The following CNTN4 variants were observed in gnomAD, a reference collection of about 807,000 sequenced individuals.
CNTN4 encodes the protein contactin-4.
A neutral mutation model predicts 122.5 loss-of-function variants in CNTN4; 77 were observed. The ratio of observed to expected loss-of-function variants is 0.63; its 90% CI spans 0.52 to 0.76. The LOEUF is 0.76. CNTN4 is among the 30% of genes least tolerant of loss of function. The probability of loss-of-function intolerance (pLI) is 0.00; values close to 1 mark genes in which losing one functional copy is unlikely to be tolerated. For missense variants in CNTN4, 1,256 were observed against 1,259.1 expected, an observed-to-expected ratio of 1.00 and a Z score of 0.04; for synonymous variants, 512 against 447.0, an observed-to-expected ratio of 1.15 and a Z score of -1.83.
intron 14 of CNTN4, among the ~76,000 whole-genome samples, chr3:3,010,178 G>A (rs146554265): frequency 3.3e-5 from 5 of 152,092 alleles, no homozygotes; most frequent in African/African-American, 7.2e-5. Context: ...AATACTTCTG[G>A]GATGGGGAGG....
chr3:2,243,340 G>A (rs1434312685), intron 2 of CNTN4, among the ~76,000 whole-genome samples: 1 of 152,104 alleles, frequency 6.6e-6, no homozygotes, highest in Non-Finnish European at 1.5e-5. Context: ...TAAGACAAGA[G>A]GTTCTGTTAG....
chr3:2,975,215 A>G (rs189147747), intron 13 of CNTN4, among the ~76,000 whole-genome samples: 8 of 152,318 alleles, frequency 5.3e-5, no homozygotes, highest in Admixed American at 4.6e-4. Context: ...GAACTATTTA[A>G]TTATAACCAA....
At chr3:2,306,679 A>G (rs140029642) in intron 2 of CNTN4, among the ~76,000 whole-genome samples, 5 of 152,286 alleles carry the variant, frequency 3.3e-5, no homozygotes, top group African/African-American at 1.2e-4. Flanking sequence ...TTTTACAAGG[A>G]TTACATAGAA....
At chr3:2,123,015 A>T (rs950850829) in intron 2 of CNTN4, among the ~76,000 whole-genome samples, 6 of 152,242 alleles carry the variant, frequency 3.9e-5, no homozygotes, top group East Asian at 3.9e-4. Flanking sequence ...AGCCATTCTG[A>T]TCTTTGAATT....
At chr3:2,604,015 C>T (rs1303557670) in intron 4 of CNTN4, among the ~76,000 whole-genome samples, 1 of 152,102 alleles carries the variant, frequency 6.6e-6, no homozygotes, top group Non-Finnish European at 1.5e-5. Context: ...CTTCAAACAC[C>T]GTGGAGAGTG....
chr3:2,317,807 G>A (rs779952524), intron 2 of CNTN4, among the ~76,000 whole-genome samples: 43 of 152,154 alleles, frequency 2.8e-4, no homozygotes, highest in Admixed American at 2.0e-3. Context: ...CGACTGATGT[G>A]CTAGAACTCA....
intron 3 of CNTN4, among the ~76,000 whole-genome samples, chr3:2,405,595 GTAGATAGATAGATAGATAGA>G (rs61138023): frequency 1.1e-3 from 158 of 150,110 alleles, no homozygotes; most frequent in African/African-American, 3.5e-3. Context: ...TTATAGATAG[GTAGATAGATAGATAGATAGA>G]TAGATAGATA....
chr3:2,233,340 A>T (rs1178485), intron 2 of CNTN4, among the ~76,000 whole-genome samples: 3,979 of 152,230 alleles, frequency 0.026, 73 homozygotes, highest in Non-Finnish European at 0.038. Flanking sequence ...AACACACTTC[A>T]TAACTCCACC....
chr3:2,105,351 G>A (rs1331923247), intron 2 of CNTN4, among the ~76,000 whole-genome samples: 1 of 152,158 alleles, frequency 6.6e-6, no homozygotes, highest in African/African-American at 2.4e-5. Context: ...CCTAAAGTGA[G>A]TTAACCTGGT....
intron 2 of CNTN4, among the ~76,000 whole-genome samples, chr3:2,320,977 A>T (rs540692945): frequency 6.6e-6 from 1 of 152,276 alleles, no homozygotes; most frequent in Non-Finnish European, 1.5e-5. Context: ...ATTTCAGTGG[A>T]AACAGCCACC....
chr3:2,809,053 C>T (rs955797124), intron 6 of CNTN4, among the ~76,000 whole-genome samples: 1 of 152,162 alleles, frequency 6.6e-6, no homozygotes, highest in Admixed American at 6.5e-5. Flanking sequence ...GCTATAGCCT[C>T]ATAAAAACTG....
Position 2,469,298 on chromosome 3 carries a change from A to G in CNTN4, c.-88-102118A>G, listed in dbSNP as rs570950030. 4.6e-5 allele frequency among the ~76,000 whole-genome samples: 7 copies of G among 152,344 alleles called. No individual in the cohort carries two copies. The East Asian group carries it at 1.4e-3, about 29-fold the overall frequency. ...TTCTAATATTCTACTTTTAAAGTTG[A>G]AGCTATTCAGACTAAGAAAACAGTG... On this transcript the variant is annotated intron_variant, in intron 3 of 24. Transcript: ENST00000418658.
intron 2 of CNTN4, among the ~76,000 whole-genome samples, chr3:2,171,019 T>C (rs971739000): frequency 6.6e-6 from 1 of 152,210 alleles, no homozygotes; most frequent in African/African-American, 2.4e-5. Context: ...TGTTTCTAAC[T>C]TTTAAGCAAG....
chr3:2,731,647 C>G (rs568337161), intron 4 of CNTN4, among the ~76,000 whole-genome samples: 1 of 152,346 alleles, frequency 6.6e-6, no homozygotes, highest in East Asian at 1.9e-4. Flanking sequence ...TTCCCCTCCT[C>G]TAATAATGTG....
At chr3:2,626,310 G>A (rs1045797203) in intron 4 of CNTN4, among the ~76,000 whole-genome samples, 32 of 151,946 alleles carry the variant, frequency 2.1e-4, no homozygotes, top group South Asian at 2.1e-4. Context: ...TGGCTAACAC[G>A]GTGAAACCCC....
intron 2 of CNTN4, among the ~76,000 whole-genome samples, chr3:2,304,304 G>C (rs1035208367): frequency 6.6e-6 from 1 of 151,986 alleles, no homozygotes; most frequent in African/African-American, 2.4e-5. Flanking sequence ...TAGTTACAAT[G>C]CTCAATCTTC....
intron 14 of CNTN4, among the ~76,000 whole-genome samples, chr3:2,992,135 CA>C (rs1695115550): frequency 6.6e-6 from 1 of 152,072 alleles, no homozygotes; most frequent in Non-Finnish European, 1.5e-5. Flanking sequence ...TCTATTCCAC[CA>C]GATACAGGAG....
chr3:2,300,884 T>G (rs1266581548), intron 2 of CNTN4, among the ~76,000 whole-genome samples: 1 of 152,086 alleles, frequency 6.6e-6, no homozygotes, highest in South Asian at 2.1e-4. Flanking sequence ...TTCTTTATTT[T>G]TAATAAAATC....
chr3:2,112,402 G>A (rs901209834), intron 2 of CNTN4, among the ~76,000 whole-genome samples: 53 of 152,236 alleles, frequency 3.5e-4, no homozygotes, highest in African/African-American at 1.2e-3. Flanking sequence ...CACTTTATAG[G>A]TGCTTTGAAT....
Sources: allele counts gnomAD v4.1 joint callset (sites outside exome capture counted in the v4.1 genomes callset), GRCh38; gene constraint gnomAD v4.1.1; transcripts MANE v1.5; gene names NCBI Gene and HGNC (gene_info 2026-07-23, HGNC 2026-07-21).